Variants in GCN1 observed in about 807,000 individuals in gnomAD.
The protein encoded by GCN1 is GCN1 activator of EIF2AK4.
GCN1 carries 90 observed loss-of-function variants against 288.4 expected under a neutral mutation model. The observed-to-expected ratio is 0.31, with a 90% confidence interval of 0.26 to 0.37. The LOEUF (loss-of-function observed/expected upper bound fraction) is 0.37. Among genes scored for constraint, GCN1 ranks in the 10% least tolerant of loss-of-function variants. The probability of loss-of-function intolerance (pLI) is 1.00; values close to 1 mark genes in which losing one functional copy is unlikely to be tolerated. For synonymous variants in GCN1, 1,386 were observed against 1,420.2 expected (o/e 0.98, Z 0.54); for missense variants, 2,586 against 3,419.9 (o/e 0.76, Z 6.08).
chr12:120,147,698 A>T (rs1343160501), intron 37 of GCN1, among the ~76,000 whole-genome samples: 1 of 152,224 alleles, frequency 6.6e-6, no homozygotes, highest in African/African-American at 2.4e-5. Flanking sequence ...AGACTGAAGT[A>T]CTGACTGGGC....
chr12:120,184,030 C>T, intron 4 of GCN1, 82 bp downstream of exon 4: 8 of 1,284,300 alleles, frequency 6.2e-6, no homozygotes. Context: ...TGGCTCCTCC[C>T]TCTGGTGCAC....
Position 120,153,725 on chromosome 12 carries a change from C to T in GCN1, c.3867+19G>A. The T allele has an allele frequency of 6.2e-7, 1 of 1,611,782 alleles. No homozygotes were observed. Among genetic ancestry groups the T allele is most frequent in the Non-Finnish European group, 8.5e-7 (1 of 1,178,608 alleles). On this transcript the variant is annotated intron_variant, in intron 32 of 57. Coordinates refer to ENST00000300648, the MANE Select transcript of GCN1 (RefSeq NM_006836.2). This position sits in a 1 kb window ranked among gnomAD's most constrained non-coding sequence, Gnocchi z 4.4. ...CCCCTTACCTTCCCGTGGGTGTTCC[C>T]TGGCTGGGACCCCCTTACCTTCCCA... is the stretch of plus-strand genomic sequence containing the variant.
intron 2 of GCN1, 111 bp from the exon 3 acceptor site, chr12:120,184,998 T>C: frequency 1.4e-6 from 1 of 715,964 alleles, no homozygotes; most frequent in Non-Finnish European, 2.5e-6. Context: ...TCCCCATATA[T>C]TTAAGACCTT....
intron 38 of GCN1, 72 bp downstream of exon 38, chr12:120,146,980 G>A (rs1210789793): frequency 2.4e-6 from 2 of 827,396 alleles, no homozygotes; most frequent in Non-Finnish European, 1.8e-6. Context: ...CTAATGTGGG[G>A]ACTCTGCACC....
chr12:120,129,291 A>T lies in GCN1; in HGVS notation c.7875T>A (p.Gly2625=), dbSNP rs1594255694. The stretch of plus-strand genomic sequence containing the variant: ...AGGCTCCCACCTGAAACACCTCTTC[A>T]CCCTGCCGCATCTTGAGGAGGTTGA... ...AIVNLLKMRQ[G]EEVFQSLSKI... is the part of the protein sequence containing the mutation. Residue 2625 remains glycine, a synonymous_variant, in exon 57 of 58, where the codon GGT becomes GGA. Coordinates refer to ENST00000300648, the MANE Select transcript of GCN1 (RefSeq NM_006836.2). 1.2e-6 allele frequency: 2 copies of T among 1,613,738 alleles called. No individual in the cohort carries two copies. Among genetic ancestry groups the T allele is most frequent in the Non-Finnish European group, 1.7e-6 (2 of 1,179,754 alleles).
At chr12:120,179,650 C>T (rs902120211) in intron 5 of GCN1, among the ~76,000 whole-genome samples, 4 of 152,036 alleles carry the variant, frequency 2.6e-5, no homozygotes, top group Non-Finnish European at 4.4e-5. Context: ...CCGCCCGCCT[C>T]GGCCTCCCAA....
Position 120,158,059 on chromosome 12 carries a change from T to C in GCN1, c.2906-29A>G. 1 of 1,609,376 alleles carries C rather than the reference T, an allele frequency of 6.2e-7. No homozygotes were observed. Among genetic ancestry groups the C allele is most frequent in the Admixed American group, 1.7e-5 (1 of 59,902 alleles). ...TGAGAGCGAGAAGCAGATAAGATTC[T>C]GCAGGCAGGGCAGGGACCCGGGCCA... is the stretch of plus-strand genomic sequence containing the variant. On this transcript the variant is annotated intron_variant, in intron 25 of 57. Transcript: ENST00000300648. This position sits in a 1 kb window ranked among gnomAD's most constrained non-coding sequence, Gnocchi z 4.3.
At chr12:120,183,746 G>C (rs1878738666) in intron 4 of GCN1, 69 bp from the exon 5 acceptor site, 1 of 897,712 alleles carries the variant, frequency 1.1e-6, no homozygotes, top group Non-Finnish European at 1.9e-6. Context: ...CTGTCCCTAA[G>C]GCCCCGCCTG....
intron 2 of GCN1, among the ~76,000 whole-genome samples, chr12:120,187,213 CTTTTTTT>C (rs869025899): frequency 7.4e-6 from 1 of 135,288 alleles, no homozygotes; most frequent in African/African-American, 2.7e-5. Flanking sequence ...CCATGATTTT[CTTTTTTT>C]TTTTTTTTTG....
chr12:120,177,910 T>C (rs972498705), intron 7 of GCN1, 158 bp from the exon 8 acceptor site: 5 of 646,334 alleles, frequency 7.7e-6, no homozygotes, highest in Non-Finnish European at 1.1e-5. Context: ...CAACCCCACT[T>C]AAAACCCTTC....
intron 1 of GCN1, among the ~76,000 whole-genome samples, chr12:120,192,979 T>TGAGTTCA (rs1360819279): frequency 1.3e-5 from 2 of 152,130 alleles, no homozygotes; most frequent in Admixed American, 1.3e-4. Flanking sequence ...GAGGTTGCAG[T>TGAGTTCA]GAGTTCAGAT....
In GCN1 at chr12:120,142,589, G is replaced by T. The variant is rs779815430; in HGVS notation, c.5747C>A (p.Pro1916His). 9.4e-5 allele frequency: 151 copies of T among 1,613,934 alleles called. No individual in the cohort carries two copies. Among genetic ancestry groups the T allele is most frequent in the Non-Finnish European group, 1.2e-4 (139 of 1,180,024 alleles). ...GGGTAGGATCTCACGCAAGGTGCGG[G>T]GGGTATTGGAGACAACAATCTTCCA... ...HVWKIVVSNTPRTLREILPTL... is the reference protein window; with the variant it reads ...HVWKIVVSNTHRTLREILPTL... Residue 1916 changes from proline (P) to histidine (H), a missense_variant, in exon 44 of 58, where the codon CCC becomes CAC. Pro to His is a moderately conservative substitution (Grantham distance 77). Coordinates refer to ENST00000300648, the MANE Select transcript of GCN1 (RefSeq NM_006836.2). The surrounding 1 kb of genome is among the most constrained non-coding windows in gnomAD (Gnocchi z 4.9).
In GCN1 at chr12:120,189,370, C is replaced by CTT. The variant is rs1278473363; in HGVS notation, c.121+926_121+927dup. Among the ~76,000 whole-genome samples, 11 of 134,302 alleles carry CTT rather than the reference C, an allele frequency of 8.2e-5. No homozygotes were observed. In the South Asian group the frequency reaches 9.5e-4, roughly 12 times the overall value. 88.1% of individuals were successfully genotyped at this position (134,302 alleles called of 152,430 possible). ...ACAGGCGTGAGCCACCACACCCAGGCTTTTTTTTTTTTTTTTGAGTCTCAC... is the reference window on the plus strand; with the variant it reads ...ACAGGCGTGAGCCACCACACCCAGGCTTTTTTTTTTTTTTTTTTGAGTCTCAC... On this transcript the variant is annotated intron_variant, in intron 2 of 57. Transcript: ENST00000300648.
At chr12:120,175,082 G>C in intron 12 of GCN1, 80 bp downstream of exon 12, 1 of 1,218,906 alleles carries the variant, frequency 8.2e-7, no homozygotes, top group Non-Finnish European at 1.2e-6. Context: ...AGCTGAGATG[G>C]CACCACTGCA....
chr12:120,168,459 C>T (rs2139123317), intron 15 of GCN1, 159 bp from the exon 16 acceptor site: 1 of 603,526 alleles, frequency 1.7e-6, no homozygotes, highest in African/African-American at 1.9e-5. Context: ...CTCAGTCCTT[C>T]TGGTATCACC....
At chr12:120,167,872 T>C (rs988947284) in intron 16 of GCN1, among the ~76,000 whole-genome samples, 4 of 151,166 alleles carry the variant, frequency 2.6e-5, no homozygotes, top group African/African-American at 9.7e-5. Flanking sequence ...GGTGGGGGAG[T>C]AGAGCCTGCC....
rs779578477 is a variant in GCN1, at chr12:120,142,991, G to A, written c.5496-50C>T. ...TCACACAGCTGCAAGGAGTGGGCTC[G>A]GCACAACTGAGCACTGCACAGAAGA... On this transcript the variant is annotated intron_variant, in intron 42 of 57. Coordinates refer to ENST00000300648, the MANE Select transcript of GCN1 (RefSeq NM_006836.2). This position sits in a 1 kb window ranked among gnomAD's most constrained non-coding sequence, Gnocchi z 4.9. 11 of 1,100,906 alleles carry A rather than the reference G, an allele frequency of 1.0e-5. No homozygotes were observed. The highest frequency in any genetic ancestry group is 1.4e-5 in the Non-Finnish European group (10 of 713,024). 68.2% of individuals were successfully genotyped at this position (1,100,906 alleles called of 1,614,324 possible). A position where few individuals can be genotyped will look rare whatever the true frequency, so the allele number is the denominator to read the frequency against.
rs755076660 is a variant in GCN1, at chr12:120,156,861, G to A, written c.3168+51C>T. 3 of 1,262,972 alleles carry A rather than the reference G, an allele frequency of 2.4e-6. No homozygotes were observed. The highest frequency in any genetic ancestry group is 1.7e-5 in the Admixed American group (1 of 59,586). 78.2% of individuals were successfully genotyped at this position (1,262,972 alleles called of 1,614,324 possible). A position where few individuals can be genotyped will look rare whatever the true frequency, so the allele number is the denominator to read the frequency against. On this transcript the variant is annotated intron_variant, in intron 27 of 57. Transcript: ENST00000300648. This position sits in a 1 kb window ranked among gnomAD's most constrained non-coding sequence, Gnocchi z 5.8. ...TCCACCCTTTACACTGGGACTTGAG[G>A]TCTGGGTCACGAACTGAGTCACAGC... is the stretch of plus-strand genomic sequence containing the variant.
chr12:120,136,735 GACAAGAGAACCACAACT>G lies in GCN1; in HGVS notation c.6778-20_6778-4del. On this transcript the variant is annotated splice_region_variant and splice_polypyrimidine_tract_variant and intron_variant, in intron 50 of 57. Coordinates refer to ENST00000300648, the MANE Select transcript of GCN1 (RefSeq NM_006836.2). ...ACTGGAAGGATGGAGGTCACTCCCTGACAAGAGAACCACAACTGAGAGTCAAATCTCAAACACCCTGG... is the reference window on the plus strand; with the variant it reads ...ACTGGAAGGATGGAGGTCACTCCCTGGAGAGTCAAATCTCAAACACCCTGG... 1 of 1,608,704 alleles carries G rather than the reference GACAAGAGAACCACAACT, an allele frequency of 6.2e-7. No homozygotes were observed. The highest frequency in any genetic ancestry group is 8.5e-7 in the Non-Finnish European group (1 of 1,175,574).
Sources: gnomAD v4.1 joint callset for allele counts (sites outside exome capture counted in the v4.1 genomes callset) on GRCh38, gnomAD v4.1.1 for gene constraint, Gnocchi (gnomAD v3.1) non-coding constraint, MANE v1.5 for transcripts, NCBI Gene and HGNC (gene_info 2026-07-23, HGNC 2026-07-21) for gene names.